ZDHHC21: variants seen among roughly 807,000 people sequenced by gnomAD.
The protein encoded by ZDHHC21 is palmitoyltransferase ZDHHC21.
In ZDHHC21, 15 loss-of-function variants were observed where a neutral mutation model predicts 34.6. That is an observed-to-expected ratio of 0.43 (90% CI 0.29 to 0.67). The LOEUF is 0.67. ZDHHC21 is among the 30% of genes least tolerant of loss of function. The pLI, the probability that ZDHHC21 is intolerant of heterozygous loss-of-function variation, is 0.14. For missense variants in ZDHHC21, 344 were observed against 327.7 expected, an observed-to-expected ratio of 1.05 and a Z score of -0.38; for synonymous variants, 142 against 101.8, an observed-to-expected ratio of 1.40 and a Z score of -2.38.
chr9:14,674,430 T>C (rs532455929), intron 3 of ZDHHC21, 45 bp from the exon 4 acceptor site: 9 of 1,343,596 alleles, frequency 6.7e-6, no homozygotes, highest in Admixed American at 2.8e-5. Context: ...ATAGAAAAAT[T>C]TGACTAAAAC....
At position 14,611,451 on chromosome 9, in the gene ZDHHC21, T is replaced by A. The variant is rs1823281137; in HGVS notation, c.*7515A>T. ...GGTGAAGATTTTCTTCAAATTCTCT[T>A]AGGGGAAAGACAAGGTAAAAATAAT... On this transcript the variant is annotated 3_prime_UTR_variant, in exon 10 of 10. Coordinates refer to ENST00000380916, the MANE Select transcript of ZDHHC21 (RefSeq NM_178566.6). 6.6e-6 allele frequency: 1 copy of A among 151,952 alleles called. No individual in the cohort carries two copies. The allele number at this position is 151,952 out of a possible 1,614,324, so 9.4% of individuals were successfully genotyped here. A position where few individuals can be genotyped will look rare whatever the true frequency, so the allele number is the denominator to read the frequency against.
chr9:14,591,696 G>T, the ZDHHC21 span, among the ~76,000 whole-genome samples: 1 of 151,978 alleles, frequency 6.6e-6, no homozygotes, highest in Non-Finnish European at 1.5e-5. Flanking sequence ...TCATCGTATT[G>T]TCCATCATGA....
intron 8 of ZDHHC21, among the ~76,000 whole-genome samples, chr9:14,628,576 C>A (rs1826721998): frequency 1.3e-5 from 1 of 77,192 alleles, no homozygotes; most frequent in Admixed American, 1.5e-4. Flanking sequence ...CTTTAGGGTG[C>A]AAGAGTAGGG....
chr9:14,601,256 C>G, the ZDHHC21 span, among the ~76,000 whole-genome samples: 5 of 152,036 alleles, frequency 3.3e-5, no homozygotes, highest in Non-Finnish European at 7.4e-5. Flanking sequence ...ACCCATCTGA[C>G]AAAGAGCTAA....
At chr9:14,633,251 T>A (rs138684928) in intron 8 of ZDHHC21, among the ~76,000 whole-genome samples, 63 of 152,156 alleles carry the variant, frequency 4.1e-4, no homozygotes, top group Non-Finnish European at 6.8e-4. Context: ...GGAAACACCA[T>A]CCTAAAGCAA....
At chr9:14,636,157 T>C (rs902884818) in intron 8 of ZDHHC21, among the ~76,000 whole-genome samples, 2 of 152,062 alleles carry the variant, frequency 1.3e-5, no homozygotes, top group African/African-American at 4.8e-5. Context: ...CACAACAATA[T>C]GCTGCCTACA....
In ZDHHC21 at chr9:14,674,356, C is replaced by T. The variant is rs1835980376; in HGVS notation, c.-16G>A. The T allele has an allele frequency of 6.3e-7, 1 of 1,583,468 alleles. No homozygotes were observed. Among genetic ancestry groups the T allele is most frequent in the African/African-American group, 1.4e-5 (1 of 72,798 alleles). On this transcript the variant is annotated 5_prime_UTR_variant, in exon 4 of 10. Transcript: ENST00000380916. ...GGAGACCCATTTTGCAATCTTATAA[C>T]TGCCTGCTAACCCACAAGGAAGGAT...
the ZDHHC21 span, among the ~76,000 whole-genome samples, chr9:14,605,530 C>G: frequency 1.3e-5 from 2 of 151,866 alleles, no homozygotes; most frequent in Non-Finnish European, 2.9e-5. Flanking sequence ...TTTAATCAGT[C>G]TTTATATGGA....
chr9:14,610,874 G>C (rs1823200588), downstream of ZDHHC21, among the ~76,000 whole-genome samples: 2 of 151,972 alleles, frequency 1.3e-5, no homozygotes, highest in Non-Finnish European at 2.9e-5. Flanking sequence ...TTCAGCCCTA[G>C]TATGTACACC....
chr9:14,660,521 A>G (rs1268268373), intron 6 of ZDHHC21, among the ~76,000 whole-genome samples: 2 of 152,086 alleles, frequency 1.3e-5, no homozygotes, highest in South Asian at 2.1e-4. Context: ...CTTGCTTCCA[A>G]TTTACACTGT....
chr9:14,635,731 A>AT (rs1327566251), intron 8 of ZDHHC21, among the ~76,000 whole-genome samples: 1 of 152,184 alleles, frequency 6.6e-6, no homozygotes, highest in Admixed American at 6.5e-5. Context: ...ATAAAAACAC[A>AT]TGAAAGTATA....
the ZDHHC21 span, among the ~76,000 whole-genome samples, chr9:14,597,485 T>C: frequency 3.3e-5 from 5 of 152,144 alleles, no homozygotes; most frequent in East Asian, 5.8e-4. Context: ...CTTGGGCCAA[T>C]GCCACTGAGA....
intron 1 of ZDHHC21, among the ~76,000 whole-genome samples, chr9:14,692,719 GAGA>G (rs1356602650): frequency 5.3e-5 from 8 of 152,100 alleles, no homozygotes; most frequent in Admixed American, 1.3e-4. Context: ...GGAGAGGAGT[GAGA>G]AGGTCAATAA....
intron 7 of ZDHHC21, among the ~76,000 whole-genome samples, chr9:14,652,559 T>A (rs187428963): frequency 6.6e-6 from 1 of 151,938 alleles, no homozygotes; most frequent in East Asian, 1.9e-4. Flanking sequence ...TAAAAAACAA[T>A]GGGGCACTTG....
chr9:14,671,157 G>C (rs974265936), intron 5 of ZDHHC21, among the ~76,000 whole-genome samples: 4 of 152,042 alleles, frequency 2.6e-5, no homozygotes, highest in African/African-American at 9.7e-5. Flanking sequence ...GCTGTTTAAT[G>C]TGAGTAAATA....
intron 3 of ZDHHC21, among the ~76,000 whole-genome samples, chr9:14,676,478 T>A (rs1114063): frequency 0.93 from 141,878 of 151,882 alleles, 66,335 homozygotes; most frequent in Non-Finnish European, 0.96. Context: ...TCATCCCTAG[T>A]TCCTGCAAAT....
the ZDHHC21 span, among the ~76,000 whole-genome samples, chr9:14,597,237 G>A: frequency 6.6e-6 from 1 of 151,930 alleles, no homozygotes; most frequent in East Asian, 1.9e-4. Flanking sequence ...TCTTCCCTAG[G>A]GCCCAACACC....
the ZDHHC21 span, among the ~76,000 whole-genome samples, chr9:14,596,855 A>G: frequency 1.3e-5 from 2 of 152,186 alleles, no homozygotes; most frequent in Non-Finnish European, 2.9e-5. Context: ...CACATTGAAT[A>G]CAGCATCTTA....
At chr9:14,689,938 G>A (rs1469743996) in intron 2 of ZDHHC21, among the ~76,000 whole-genome samples, 1 of 152,164 alleles carries the variant, frequency 6.6e-6, no homozygotes, top group Admixed American at 6.5e-5. Flanking sequence ...ACGAATTAAA[G>A]ACCACCAAAT....
Sources: allele counts gnomAD v4.1 joint callset (sites outside exome capture counted in the v4.1 genomes callset), GRCh38; gene constraint gnomAD v4.1.1; transcripts MANE v1.5; gene names NCBI Gene and HGNC (gene_info 2026-07-23, HGNC 2026-07-21).